SIGLEC8: variants seen among roughly 807,000 people sequenced by gnomAD.
SIGLEC8 encodes sialic acid-binding Ig-like lectin 8.
In SIGLEC8, 32 loss-of-function variants were observed where a neutral mutation model predicts 42.1. The ratio of observed to expected loss-of-function variants is 0.76; its 90% CI spans 0.57 to 1.02. The LOEUF is 1.02. Ranked by LOEUF, SIGLEC8 falls within the 50% of genes least tolerant of loss-of-function variation. The pLI is 0.00. For missense variants in SIGLEC8, 611 were observed against 610.2 expected (o/e 1.00, Z -0.01); for synonymous variants, 262 against 260.3 (o/e 1.01, Z -0.06).
At chr19:51,456,018 T>C (rs1045047461) in intron 3 of SIGLEC8, among the ~76,000 whole-genome samples, 2 of 140,636 alleles carry the variant, frequency 1.4e-5, no homozygotes, top group East Asian at 4.2e-4. Context: ...AAGTGGGAAC[T>C]GAACAATGAG....
chr19:51,455,411 T>C lies in SIGLEC8; in HGVS notation c.1051+7A>G. The C allele has an allele frequency of 1.9e-6, 3 of 1,612,528 alleles. No homozygotes were observed. Among genetic ancestry groups the C allele is most frequent in the Non-Finnish European group, 2.5e-6 (3 of 1,179,514 alleles). ...TGTTCTCCTCCTCCAGCCCCTCCCTTACCCACCTGTGCCCTCATTCTGCAG... is the reference window on the plus strand; with the variant it reads ...TGTTCTCCTCCTCCAGCCCCTCCCTCACCCACCTGTGCCCTCATTCTGCAG... On this transcript the variant is annotated splice_region_variant and intron_variant, in intron 4 of 6. Transcript: ENST00000321424.
In SIGLEC8 at chr19:51,454,674, C is replaced by A; in HGVS notation, c.1148+10G>T. The A allele has an allele frequency of 7.5e-6, 12 of 1,606,124 alleles. No individual in the cohort carries two copies. The highest frequency in any genetic ancestry group is 1.0e-5 in the Non-Finnish European group (12 of 1,172,990). ...AGGTCTCTCTCTCCCTCCCCAGGGTCAATGCTCACATGATGAAGATGATGC... is the reference window on the plus strand; with the variant it reads ...AGGTCTCTCTCTCCCTCCCCAGGGTAAATGCTCACATGATGAAGATGATGC... On this transcript the variant is annotated intron_variant, in intron 5 of 6. Coordinates refer to ENST00000321424, the MANE Select transcript of SIGLEC8 (RefSeq NM_014442.3). The surrounding 1 kb of genome is among the most constrained non-coding windows in gnomAD (Gnocchi z 4.7).
In SIGLEC8 at chr19:51,454,161, C is replaced by A; in HGVS notation, c.1245+58G>T. 6.2e-7 allele frequency: 1 copy of A among 1,608,648 alleles called. No individual in the cohort carries two copies. Among genetic ancestry groups the A allele is most frequent in the East Asian group, 2.2e-5 (1 of 44,766 alleles). On this transcript the variant is annotated intron_variant, in intron 6 of 6. Transcript: ENST00000321424. This position sits in a 1 kb window ranked among gnomAD's most constrained non-coding sequence, Gnocchi z 4.7. ...TACCAAAGAGAGCGATCCTGGGGGC[C>A]ATCCTGTCAGAGGTGTCCAGGCTGG... is the stretch of plus-strand genomic sequence containing the variant.
At position 51,458,106 on chromosome 19, in the gene SIGLEC8, G is replaced by C; in HGVS notation, c.282C>G (p.Gly94=). 6.2e-7 allele frequency: 1 copy of C among 1,614,150 alleles called. No homozygotes were observed. The highest frequency in any genetic ancestry group is 1.3e-5 in the African/African-American group (1 of 75,020). The stretch of plus-strand genomic sequence containing the variant: ...AAATGTCCCCAAGGAGTTGGAATCG[G>C]CCCTGGGTCTCTGCCTGCACTTCTC... ...PDREVQAETQ[G]RFQLLGDIWS... is the part of the protein sequence containing the mutation. Residue 94 remains glycine, a synonymous_variant, in exon 1 of 7, where the codon GGC becomes GGG. Transcript: ENST00000321424.
In SIGLEC8 at chr19:51,454,428, C is replaced by T. The variant is rs185956201; in HGVS notation, c.1149-113G>A. On this transcript the variant is annotated intron_variant, in intron 5 of 6. Transcript: ENST00000321424. The surrounding 1 kb of genome is among the most constrained non-coding windows in gnomAD (Gnocchi z 4.7). ...GGCTTGAGGGGTGACCGAGGCGCAACGGCGGTGGTCCAGTTCCAGAGACCC... is the reference window on the plus strand; with the variant it reads ...GGCTTGAGGGGTGACCGAGGCGCAATGGCGGTGGTCCAGTTCCAGAGACCC... 4,752 of 1,578,174 alleles carry T rather than the reference C, an allele frequency of 3.0e-3. 12 individuals are homozygous for T. The highest frequency in any genetic ancestry group is 3.8e-3 in the Non-Finnish European group (4,397 of 1,158,562).
In SIGLEC8 at chr19:51,457,902, C is replaced by T. The variant is rs368430792; in HGVS notation, c.454+32G>A. The T allele has an allele frequency of 3.7e-6, 6 of 1,605,354 alleles. No individual in the cohort carries two copies. In the African/African-American group the frequency reaches 8.0e-5, roughly 21 times the overall value. ...TGCCTTTCAGCCCCTCATGACCTTC[C>T]CCTGTGGCCTGTGCTGGAGCCCGTG... is the stretch of plus-strand genomic sequence containing the variant. On this transcript the variant is annotated intron_variant, in intron 1 of 6. Coordinates refer to ENST00000321424, the MANE Select transcript of SIGLEC8 (RefSeq NM_014442.3).
chr19:51,455,995 T>C (rs988720027), intron 3 of SIGLEC8, among the ~76,000 whole-genome samples: 15 of 148,540 alleles, frequency 1.0e-4, no homozygotes, highest in African/African-American at 3.7e-4. Flanking sequence ...AAACACCGCA[T>C]GTTCTCACTC....
chr19:51,458,048 C>A lies in SIGLEC8; in HGVS notation c.340G>T (p.Ala114Ser), dbSNP rs754685080. The A allele has an allele frequency of 6.8e-6, 11 of 1,614,016 alleles. No homozygotes were observed. Among genetic ancestry groups the A allele is most frequent in the Admixed American group, 3.3e-5 (2 of 60,002 alleles). ...SNDCSLSIRD[A>S]RKRDKGSYFF... is the part of the protein sequence containing the mutation. ...TATGACCCCTTATCCCTCTTCCTGG[C>A]GTCTCTGATGCTCAGGGAGCAGTCG... The change falls in exon 1 of 7, where the codon GCC becomes TCC. Residue 114 changes from alanine to serine, a missense_variant. Transcript: ENST00000321424.
At position 51,454,576 on chromosome 19, in the gene SIGLEC8, C is replaced by T. The variant is rs900826588; in HGVS notation, c.1148+108G>A. On this transcript the variant is annotated intron_variant, in intron 5 of 6. Coordinates refer to ENST00000321424, the MANE Select transcript of SIGLEC8 (RefSeq NM_014442.3). This position sits in a 1 kb window ranked among gnomAD's most constrained non-coding sequence, Gnocchi z 4.7. ...CCGTGCACCCGTGAGCTCATTCTTG[C>T]CCCAAGCCCTGGACCCATCCAGGTC... 9.0e-7 allele frequency: 1 copy of T among 1,107,648 alleles called. No individual in the cohort carries two copies. The highest frequency in any genetic ancestry group is 1.3e-6 in the Non-Finnish European group (1 of 742,584). The allele number at this position is 1,107,648 out of a possible 1,614,324, so 68.6% of individuals were successfully genotyped here. A position where few individuals can be genotyped will look rare whatever the true frequency, so the allele number is the denominator to read the frequency against.
intron 4 of SIGLEC8, among the ~76,000 whole-genome samples, chr19:51,455,133 G>A (rs1183814940): frequency 1.3e-5 from 2 of 152,214 alleles, no homozygotes; most frequent in African/African-American, 4.8e-5. Flanking sequence ...AGTGCCTCAT[G>A]TGCCTCATCC....
rs539072123 is a variant in SIGLEC8 at position 51,458,045 on chromosome 19, T to G, written c.343A>C (p.Arg115=). Reference sequence around the variant, plus strand: ...AAATATGACCCCTTATCCCTCTTCCTGGCGTCTCTGATGCTCAGGGAGCAG... The same window carrying G: ...AAATATGACCCCTTATCCCTCTTCCGGGCGTCTCTGATGCTCAGGGAGCAG... ...NDCSLSIRDA[R]KRDKGSYFFR... The change falls in exon 1 of 7, where the codon AGG becomes CGG. Residue 115 remains arginine (R), a synonymous_variant. Transcript: ENST00000321424. 7.4e-6 allele frequency: 12 copies of G among 1,614,192 alleles called. 1 individual carries two copies. The South Asian group carries it at 1.2e-4, about 16-fold the overall frequency.
chr19:51,458,157 A>T lies in SIGLEC8; in HGVS notation c.231T>A (p.Ala77=), dbSNP rs1482732117. 1 of 1,613,766 alleles carries T rather than the reference A, an allele frequency of 6.2e-7. No homozygotes were observed. The highest frequency in any genetic ancestry group is 1.3e-5 in the African/African-American group (1 of 74,794). ...TGTCTGGGTTGTTTGTGGCCACTGGAGCGTCTTGGTATGGTCTGTCTCCTG... is the reference window on the plus strand; with the variant it reads ...TGTCTGGGTTGTTTGTGGCCACTGGTGCGTCTTGGTATGGTCTGTCTCCTG... ...FRAGDRPYQD[A]PVATNNPDRE... The change falls in exon 1 of 7, where the codon GCT becomes GCA. Residue 77 remains alanine, a synonymous_variant. Coordinates refer to ENST00000321424, the MANE Select transcript of SIGLEC8 (RefSeq NM_014442.3).
Position 51,457,612 on chromosome 19 carries a change from G to A in SIGLEC8, c.582C>T (p.Ala194=). 2 of 1,612,886 alleles carry A rather than the reference G, an allele frequency of 1.2e-6. No homozygotes were observed. The highest frequency in any genetic ancestry group is 2.2e-5 in the South Asian group (2 of 90,946). Residue 194 remains alanine, a synonymous_variant, in exon 2 of 7, where the codon GCC becomes GCT. Coordinates refer to ENST00000321424, the MANE Select transcript of SIGLEC8 (RefSeq NM_014442.3). ...TAGTGGGGCCCGGGGAGGACACGGAGGCCCCAATCCAGGAGATCATGGGGG... is the reference window on the plus strand; with the variant it reads ...TAGTGGGGCCCGGGGAGGACACGGAAGCCCCAATCCAGGAGATCATGGGGG... The part of the protein sequence containing the change: ...GTPPMISWIG[A]SVSSPGPTTA...
chr19:51,452,694 A>T, intron 6 of SIGLEC8, 61 bp from the exon 7 acceptor site: 2 of 1,387,126 alleles, frequency 1.4e-6, no homozygotes, highest in Non-Finnish European at 1.9e-6. Context: ...AGGCAGGGAG[A>T]GTCCAGGAAG....
chr19:51,457,956 C>T lies in SIGLEC8; in HGVS notation c.432G>A (p.Lys144=), dbSNP rs1989538118. ...SYKSQLNYKT[K]QLSVFVTALT... ...TACCTGTCACAAACACAGACAGCTG[C>T]TTAGTTTTGTAATTCAACTGTGATT... is the stretch of plus-strand genomic sequence containing the variant. Residue 144 remains lysine (K), a synonymous_variant, in exon 1 of 7, where the codon AAG becomes AAA. Coordinates refer to ENST00000321424, the MANE Select transcript of SIGLEC8 (RefSeq NM_014442.3). 1 of 1,614,024 alleles carries T rather than the reference C, an allele frequency of 6.2e-7. No individual in the cohort carries two copies. Among genetic ancestry groups the T allele is most frequent in the Admixed American group, 1.7e-5 (1 of 60,000 alleles).
Position 51,457,588 on chromosome 19 carries a change from A to T in SIGLEC8, c.606T>A (p.Thr202=). ...IGASVSSPGP[T]TARSSVLTLT... The stretch of plus-strand genomic sequence containing the variant: ...GGGTGAGCACTGAGGAGCGGGCAGT[A>T]GTGGGGCCCGGGGAGGACACGGAGG... Residue 202 remains threonine, a synonymous_variant, in exon 2 of 7, where the codon ACT becomes ACA. Coordinates refer to ENST00000321424, the MANE Select transcript of SIGLEC8 (RefSeq NM_014442.3). The T allele has an allele frequency of 6.2e-7, 1 of 1,613,638 alleles. No individual in the cohort carries two copies. The highest frequency in any genetic ancestry group is 8.5e-7 in the Non-Finnish European group (1 of 1,179,768).
Position 51,453,748 on chromosome 19 carries a change from G to A in SIGLEC8, c.1245+471C>T, listed in dbSNP as rs1356034712. On this transcript the variant is annotated intron_variant, in intron 6 of 6. Transcript: ENST00000321424. ...ATCTACATGTAAATTATGATACAAC[G>A]GGCAAAACGAGAGTAAATGAGAGAG... is the stretch of plus-strand genomic sequence containing the variant. 12 of 983,826 alleles carry A rather than the reference G, an allele frequency of 1.2e-5. No homozygotes were observed. In the South Asian group the frequency reaches 2.4e-4, roughly 19 times the overall value. 60.9% of individuals were successfully genotyped at this position (983,826 alleles called of 1,614,324 possible). A position where few individuals can be genotyped will look rare whatever the true frequency, so the allele number is the denominator to read the frequency against.
chr19:51,454,546 G>A lies in SIGLEC8; in HGVS notation c.1148+138C>T. On this transcript the variant is annotated intron_variant, in intron 5 of 6. Coordinates refer to ENST00000321424, the MANE Select transcript of SIGLEC8 (RefSeq NM_014442.3). This position sits in a 1 kb window ranked among gnomAD's most constrained non-coding sequence, Gnocchi z 4.7. ...CCACAGACAAGGACGCTCGTGAAAT[G>A]CTCACCGTGCACCCGTGAGCTCATT... 3 of 1,006,808 alleles carry A rather than the reference G, an allele frequency of 3.0e-6. No homozygotes were observed. The South Asian group carries it at 4.5e-5, about 15-fold the overall frequency. 62.4% of individuals were successfully genotyped at this position (1,006,808 alleles called of 1,614,324 possible).
rs536152795 is a variant in SIGLEC8 at position 51,454,790 on chromosome 19, G to T, written c.1052-10C>A. On this transcript the variant is annotated splice_polypyrimidine_tract_variant and intron_variant, in intron 4 of 6. Coordinates refer to ENST00000321424, the MANE Select transcript of SIGLEC8 (RefSeq NM_014442.3). The surrounding 1 kb of genome is among the most constrained non-coding windows in gnomAD (Gnocchi z 4.7). ...ACAGGTCTTGAGGTGCCTGCAGATG[G>T]ATTGGAGTTGCTTTGGGGATTTATA... 14 of 1,607,520 alleles carry T rather than the reference G, an allele frequency of 8.7e-6. 1 individual carries two copies. In the South Asian group the frequency reaches 1.3e-4, roughly 15 times the overall value.
Sources: allele counts gnomAD v4.1 joint callset (sites outside exome capture counted in the v4.1 genomes callset), GRCh38; gene constraint gnomAD v4.1.1; non-coding constraint Gnocchi (gnomAD v3.1); transcripts MANE v1.5; gene names NCBI Gene and HGNC (gene_info 2026-07-23, HGNC 2026-07-21).